Variants in ADGRG6 observed in about 807,000 individuals in gnomAD.
ADGRG6 encodes G-protein coupled receptor 126.
ADGRG6 carries 84 observed loss-of-function variants against 142.4 expected under a neutral mutation model. The observed-to-expected ratio is 0.59, with a 90% CI of 0.49 to 0.71. The LOEUF (loss-of-function observed/expected upper bound fraction) is 0.71. Among genes scored for constraint, ADGRG6 ranks in the 30% least tolerant of loss-of-function variants. The pLI, the probability that ADGRG6 is intolerant of heterozygous loss-of-function variation, is 0.00. For synonymous variants in ADGRG6, 521 were observed against 520.5 expected (o/e 1.00, Z -0.01); for missense variants, 1,367 against 1,466.6 (o/e 0.93, Z 1.11).
chr6:142,419,784 T>C (rs945372315), intron 21 of ADGRG6, 37 bp from the exon 22 acceptor site: 1 of 1,520,270 alleles, frequency 6.6e-7, no homozygotes, highest in Non-Finnish European at 9.0e-7. Context: ...GACATGGTAA[T>C]AAATCTTTTT....
chr6:142,323,741 A>G (rs1043353639), intron 2 of ADGRG6, among the ~76,000 whole-genome samples: 4 of 152,112 alleles, frequency 2.6e-5, no homozygotes, highest in African/African-American at 7.2e-5. Flanking sequence ...AGGGAATTGT[A>G]ACATAATGGT....
chr6:142,440,701 T>C (rs1233532343), intron 24 of ADGRG6, among the ~76,000 whole-genome samples: 1 of 152,206 alleles, frequency 6.6e-6, no homozygotes, highest in Non-Finnish European at 1.5e-5. Flanking sequence ...TATAGTTAGT[T>C]ATATGGCATT....
chr6:142,396,673 A>G (rs931855521), intron 9 of ADGRG6, among the ~76,000 whole-genome samples: 4 of 152,150 alleles, frequency 2.6e-5, no homozygotes, highest in African/African-American at 9.6e-5. Flanking sequence ...GATCTCAATA[A>G]TATAACGTCT....
At chr6:142,433,893 C>T (rs1170493946) in intron 22 of ADGRG6, among the ~76,000 whole-genome samples, 1 of 152,072 alleles carries the variant, frequency 6.6e-6, no homozygotes, top group Admixed American at 6.6e-5. Context: ...CCCACTTCTA[C>T]AAAACATTAG....
chr6:142,419,999 A>G lies in ADGRG6; in HGVS notation c.3214A>G (p.Ser1072Gly). The G allele has an allele frequency of 6.2e-7, 1 of 1,613,662 alleles. No homozygotes were observed. Among genetic ancestry groups the G allele is most frequent in the Non-Finnish European group, 8.5e-7 (1 of 1,179,640 alleles). The part of the protein sequence containing the change: ...EVLRNLRSVV[S>G]LTFLLGMTWG... Reference sequence around the variant, plus strand: ...GTTAAGGAACCTGCGCAGTGTGGTTAGCTTGACCTTTCTGTTGGGCATGAC... The same window carrying G: ...GTTAAGGAACCTGCGCAGTGTGGTTGGCTTGACCTTTCTGTTGGGCATGAC... The change falls in exon 22 of 25, where the codon AGC becomes GGC. Residue 1072 changes from serine (S) to glycine (G), a missense_variant. Ser to Gly is a moderately conservative substitution (Grantham distance 56, BLOSUM62 0). Coordinates refer to ENST00000367609, the MANE Select transcript of ADGRG6 (RefSeq NM_198569.3).
chr6:142,373,491 G>C (rs1007892894), intron 4 of ADGRG6, among the ~76,000 whole-genome samples: 8 of 152,216 alleles, frequency 5.3e-5, no homozygotes, highest in Non-Finnish European at 8.8e-5. Flanking sequence ...AATTTCTCTA[G>C]ACCAGAGGTT....
chr6:142,305,443 C>CAT (rs1385231989), intron 1 of ADGRG6, among the ~76,000 whole-genome samples: 1 of 123,780 alleles, frequency 8.1e-6, no homozygotes, highest in Non-Finnish European at 1.7e-5. Flanking sequence ...CACACACACA[C>CAT]ACACACACAC....
rs540990452 is a variant in ADGRG6, at chr6:142,410,701, G to A, written c.2435-604G>A. Among the ~76,000 whole-genome samples, 22 of 151,898 alleles carry A rather than the reference G, an allele frequency of 1.4e-4. 1 individual carries two copies. The highest frequency in any genetic ancestry group is 3.4e-3 in the Middle Eastern group (1 of 294). ...GGGTTTAGTTGCATAATTTTGAGAA[G>A]ATCTTTACTCATTTACCTAGTTAAA... On this transcript the variant is annotated intron_variant, in intron 17 of 24. Transcript: ENST00000367609.
At chr6:142,338,447 A>G (rs964009701) in intron 2 of ADGRG6, among the ~76,000 whole-genome samples, 10 of 151,218 alleles carry the variant, frequency 6.6e-5, no homozygotes, top group Admixed American at 6.6e-5. Flanking sequence ...TTTTTATTGA[A>G]GGCTCTAAAT....
chr6:142,435,286 A>ATT (rs1777430621), intron 22 of ADGRG6, among the ~76,000 whole-genome samples: 5 of 152,046 alleles, frequency 3.3e-5, no homozygotes, highest in Non-Finnish European at 7.4e-5. Context: ...TGAATCAATT[A>ATT]CCCTTCCTGG....
At chr6:142,326,709 G>A (rs778488502) in intron 2 of ADGRG6, among the ~76,000 whole-genome samples, 5 of 152,040 alleles carry the variant, frequency 3.3e-5, no homozygotes, top group Non-Finnish European at 5.9e-5. Flanking sequence ...GTTATTAGGT[G>A]GAGACAGATA....
intron 6 of ADGRG6, among the ~76,000 whole-genome samples, chr6:142,390,005 G>A (rs550215373): frequency 3.3e-5 from 5 of 151,892 alleles, no homozygotes; most frequent in African/African-American, 1.2e-4. Flanking sequence ...AGAAACATAT[G>A]CAAGTAATAA....
chr6:142,311,663 A>G (rs1290576549), intron 2 of ADGRG6, among the ~76,000 whole-genome samples: 1 of 151,832 alleles, frequency 6.6e-6, no homozygotes, highest in Non-Finnish European at 1.5e-5. Context: ...TTTGTTGACT[A>G]ATTTTTGCTT....
Position 142,403,986 on chromosome 6 carries a change from T to C in ADGRG6, c.2127+13T>C, listed in dbSNP as rs765678484. 3 of 1,582,092 alleles carry C rather than the reference T, an allele frequency of 1.9e-6. No homozygotes were observed. The highest frequency in any genetic ancestry group is 3.4e-5 in the Admixed American group (2 of 58,742). The stretch of plus-strand genomic sequence containing the variant: ...ATCGTATTTCCAGGTAATGAGCCAG[T>C]GGTTTCTTTCATTTTAATTAATTAG... On this transcript the variant is annotated intron_variant, in intron 14 of 24. Transcript: ENST00000367609.
chr6:142,367,097 C>T (rs575231436), intron 2 of ADGRG6, among the ~76,000 whole-genome samples: 3 of 152,096 alleles, frequency 2.0e-5, no homozygotes, highest in Admixed American at 6.5e-5. Context: ...GTTTCTCTTC[C>T]TTTATATCTA....
chr6:142,327,278 A>G (rs895724270), intron 2 of ADGRG6, among the ~76,000 whole-genome samples: 12 of 152,070 alleles, frequency 7.9e-5, no homozygotes, highest in Admixed American at 2.6e-4. Flanking sequence ...TAAAAAAAAA[A>G]AGTCTTTGGG....
rs755355849 is a variant in ADGRG6 at position 142,370,701 on chromosome 6, G to C, written c.977G>C (p.Ser326Thr). Residue 326 changes from serine (S) to threonine (T), a missense_variant, in exon 4 of 25, where the codon AGC becomes ACC. Physicochemically the swap from Ser to Thr is moderately conservative, Grantham distance 58. Coordinates refer to ENST00000367609, the MANE Select transcript of ADGRG6 (RefSeq NM_198569.3). ...TMNAKILSNL[S>T]CNVKGNVVDW... ...AATGCCAAAATCCTCTCCAACCTCA[G>C]CTGTAATGTGAAAGGGAATGTAGTC... is the stretch of plus-strand genomic sequence containing the variant. 2 of 1,613,598 alleles carry C rather than the reference G, an allele frequency of 1.2e-6. No homozygotes were observed. Among genetic ancestry groups the C allele is most frequent in the Admixed American group, 3.3e-5 (2 of 60,006 alleles).
At chr6:142,317,650 T>C (rs531985903) in intron 2 of ADGRG6, among the ~76,000 whole-genome samples, 17 of 137,842 alleles carry the variant, frequency 1.2e-4, no homozygotes, top group Admixed American at 5.1e-4. Context: ...TATTTGGGTG[T>C]ATATTATATA....
Position 142,445,132 on chromosome 6 carries a change from AAT to A in ADGRG6, c.*1618_*1619del, listed in dbSNP as rs1777917664. On this transcript the variant is annotated 3_prime_UTR_variant, in exon 25 of 25. Coordinates refer to ENST00000367609, the MANE Select transcript of ADGRG6 (RefSeq NM_198569.3). The stretch of plus-strand genomic sequence containing the variant: ...GCCTGGCTCCAGCAGATGATGAGAT[AAT>A]GAGGTAGTGGGTTTTTTATTACTGT... 1 of 152,130 alleles carries A rather than the reference AAT, an allele frequency of 6.6e-6. No individual in the cohort carries two copies. Among genetic ancestry groups the A allele is most frequent in the Admixed American group, 6.6e-5 (1 of 15,242 alleles). The allele number at this position is 152,130 out of a possible 1,614,324, so 9.4% of individuals were successfully genotyped here. A position where few individuals can be genotyped will look rare whatever the true frequency, so the allele number is the denominator to read the frequency against.
Sources: allele counts gnomAD v4.1 joint callset (sites outside exome capture counted in the v4.1 genomes callset), GRCh38; gene constraint gnomAD v4.1.1; transcripts MANE v1.5; gene names NCBI Gene and HGNC (gene_info 2026-07-23, HGNC 2026-07-21).